Variants in CDC7 observed in about 807,000 individuals in gnomAD.
CDC7 encodes the protein cell division cycle 7.
CDC7 carries 34 observed loss-of-function variants against 53.5 expected under a neutral mutation model. The ratio of observed to expected loss-of-function variants is 0.64; its 90% confidence interval spans 0.48 to 0.85. The LOEUF (loss-of-function observed/expected upper bound fraction) is 0.85. Among genes scored for constraint, CDC7 ranks in the 40% least tolerant of loss-of-function variants. CDC7 has a pLI of 0.00. For synonymous variants in CDC7, 211 were observed against 222.8 expected (o/e 0.95, Z 0.47); for missense variants, 594 against 679.7 (o/e 0.87, Z 1.40).
Position 91,517,089 on chromosome 1 carries a change from A to G in CDC7, c.1180+1213A>G, listed in dbSNP as rs532773783. 3.0e-4 allele frequency among the ~76,000 whole-genome samples: 45 copies of G among 152,320 alleles called. 1 individual carries two copies. The highest frequency in any genetic ancestry group is 1.7e-3 in the South Asian group (8 of 4,828). On this transcript the variant is annotated intron_variant, in intron 10 of 11. Transcript: ENST00000234626. ...AAAAAAAAAGTCCAATTTTGCTAGA[A>G]TATTAAGATGCAAGTTGAGGAATGG...
At chr1:91,506,157 A>G (rs1422627627) in intron 2 of CDC7, among the ~76,000 whole-genome samples, 1 of 152,108 alleles carries the variant, frequency 6.6e-6, no homozygotes, top group Non-Finnish European at 1.5e-5. Context: ...GGCCCGTGTT[A>G]CAAAGCCCAG....
rs1206825779 is a variant in CDC7 at position 91,525,762 on chromosome 1, T to C, written c.*1327T>C. 1 of 151,902 alleles carries C rather than the reference T, an allele frequency of 6.6e-6. No individual in the cohort carries two copies. The highest frequency in any genetic ancestry group is 1.5e-5 in the Non-Finnish European group (1 of 67,922). The allele number at this position is 151,902 out of a possible 1,614,324, so 9.4% of individuals were successfully genotyped here. A position where few individuals can be genotyped will look rare whatever the true frequency, so the allele number is the denominator to read the frequency against. ...CAATAAAGTTATCCTTTTATATTTTTTATGTCAGACTACTCATTTGAAAAA... is the reference window on the plus strand; with the variant it reads ...CAATAAAGTTATCCTTTTATATTTTCTATGTCAGACTACTCATTTGAAAAA... On this transcript the variant is annotated 3_prime_UTR_variant, in exon 12 of 12. Coordinates refer to ENST00000234626, the MANE Select transcript of CDC7 (RefSeq NM_003503.4).
Position 91,524,835 on chromosome 1 carries a change from T to C in CDC7, c.*400T>C, listed in dbSNP as rs1361612721. On this transcript the variant is annotated 3_prime_UTR_variant, in exon 12 of 12. Coordinates refer to ENST00000234626, the MANE Select transcript of CDC7 (RefSeq NM_003503.4). ...GATTCTTTTAGAGTTATGAGCTAGG[T>C]ATAGTTTGGGGAAACTCAACCTGGT... The C allele has an allele frequency of 6.3e-6, 1 of 157,506 alleles. No homozygotes were observed. Among genetic ancestry groups the C allele is most frequent in the Non-Finnish European group, 1.4e-5 (1 of 71,856 alleles). 9.8% of individuals were successfully genotyped at this position (157,506 alleles called of 1,614,324 possible).
Position 91,501,726 on chromosome 1 carries a change from T to G in CDC7, c.10T>G (p.Ser4Ala), listed in dbSNP as rs1666694783. 1.9e-6 allele frequency: 3 copies of G among 1,613,866 alleles called. No homozygotes were observed. Among genetic ancestry groups the G allele is most frequent in the Non-Finnish European group, 2.5e-6 (3 of 1,179,764 alleles). Residue 4 changes from serine (S) to alanine (A), a missense_variant, in exon 2 of 12, where the codon TCT (serine) becomes GCT (alanine). Transcript: ENST00000234626. MEA[S>A]LGIQMDEPMA... ...TCTCAATTGGCTTGTGATGGAGGCG[T>G]CTTTGGGGATTCAGATGGATGAGCC...
At position 91,520,252 on chromosome 1, in the gene CDC7, G is replaced by T; in HGVS notation, c.1303G>T (p.Glu435Ter). ...AATTATGACAATTAGGGGATCCAGAGAAACTATCCAAGCTGCTAAAACTTT... is the reference window on the plus strand; with the variant it reads ...AATTATGACAATTAGGGGATCCAGATAAACTATCCAAGCTGCTAAAACTTT... The part of the protein sequence containing the change: ...AQIMTIRGSR[E>*]TIQAAKTFGK... The change falls in exon 11 of 12, where the codon GAA becomes TAA. Residue 435 changes from glutamate (E) to a stop codon, truncating the protein, a stop_gained. Coordinates refer to ENST00000234626, the MANE Select transcript of CDC7 (RefSeq NM_003503.4). LOFTEE classifies it low-confidence loss of function (END_TRUNC). 1 of 1,604,320 alleles carries T rather than the reference G, an allele frequency of 6.2e-7. No homozygotes were observed. Among genetic ancestry groups the T allele is most frequent in the African/African-American group, 1.3e-5 (1 of 74,618 alleles).
intron 11 of CDC7, among the ~76,000 whole-genome samples, chr1:91,522,614 A>T (rs1557602785): frequency 6.6e-6 from 1 of 152,210 alleles, no homozygotes; most frequent in African/African-American, 2.4e-5. Flanking sequence ...ATGCTATAAC[A>T]TATACTATTA....
intron 11 of CDC7, among the ~76,000 whole-genome samples, chr1:91,523,555 T>G (rs1420869608): frequency 6.6e-6 from 1 of 152,136 alleles, no homozygotes; most frequent in Non-Finnish European, 1.5e-5. Flanking sequence ...TGATCAGTTC[T>G]CTCTGAGGGT....
intron 11 of CDC7, among the ~76,000 whole-genome samples, chr1:91,521,097 A>C (rs1667920491): frequency 6.6e-6 from 1 of 152,208 alleles, no homozygotes; most frequent in African/African-American, 2.4e-5. Context: ...CAGGAGACAA[A>C]GTTTCAGCCA....
rs1346466844 is a variant in CDC7, at chr1:91,512,615, CATA to C, written c.573-436_573-434del. 3.7e-4 allele frequency among the ~76,000 whole-genome samples: 56 copies of C among 152,106 alleles called. 1 individual carries two copies. Among genetic ancestry groups the C allele is most frequent in the Non-Finnish European group, 5.9e-5 (4 of 67,972 alleles). On this transcript the variant is annotated intron_variant, in intron 6 of 11. Transcript: ENST00000234626. ...CCTCTATATAATGGATCATATTAAA[CATA>C]ATAATATTATAACTTCTTTTTTGAG...
intron 11 of CDC7, among the ~76,000 whole-genome samples, chr1:91,521,503 G>C (rs12057283): frequency 0.28 from 43,285 of 152,042 alleles, 6,399 homozygotes; most frequent in East Asian, 0.48. Context: ...TGTACTTATT[G>C]TAAGAAAATT....
rs1246466695 is a variant in CDC7 at position 91,507,895 on chromosome 1, C to T, written c.157C>T (p.Gln53Ter). 2 of 1,513,724 alleles carry T rather than the reference C, an allele frequency of 1.3e-6. No homozygotes were observed. The highest frequency in any genetic ancestry group is 1.8e-6 in the Non-Finnish European group (2 of 1,106,078). 93.8% of individuals were successfully genotyped at this position (1,513,724 alleles called of 1,614,324 possible). A position where few individuals can be genotyped will look rare whatever the true frequency, so the allele number is the denominator to read the frequency against. ...TGAGAAGCTTTATGAAGCTGTACCA[C>T]AGCTTAGTAATGTGTTTAAGATTGA... is the stretch of plus-strand genomic sequence containing the variant. ...DIEKLYEAVP[Q>*]LSNVFKIEDK... Residue 53 changes from glutamine to a stop codon, truncating the protein, a stop_gained, in exon 3 of 12, where the codon CAG (glutamine) becomes TAG (stop). Coordinates refer to ENST00000234626, the MANE Select transcript of CDC7 (RefSeq NM_003503.4). LOFTEE classifies it high-confidence loss of function.
In CDC7 at chr1:91,511,907, A is replaced by G. The variant is rs758464467; in HGVS notation, c.556A>G (p.Asn186Asp). The G allele has an allele frequency of 4.4e-6, 7 of 1,582,602 alleles. No homozygotes were observed. In the African/African-American group the frequency reaches 8.1e-5, roughly 18 times the overall value. The change falls in exon 6 of 12, where the codon AAT becomes GAT. Residue 186 changes from asparagine (N) to aspartate (D), a missense_variant. Asn to Asp is a conservative substitution (Grantham distance 23). Coordinates refer to ENST00000234626, the MANE Select transcript of CDC7 (RefSeq NM_003503.4). Reference sequence around the variant, plus strand: ...TGTTAAGCCCAGCAATTTTTTATATAATAGGCGCCTGAAAAAGTAAGTATG... The same window carrying G: ...TGTTAAGCCCAGCAATTTTTTATATGATAGGCGCCTGAAAAAGTAAGTATG... Reference protein sequence around the residue: ...RDVKPSNFLYNRRLKKYALVD... With the variant: ...RDVKPSNFLYDRRLKKYALVD...
rs1666686939 is a variant in CDC7, at chr1:91,501,664, C to T, written c.-53C>T. 4.0e-6 allele frequency: 5 copies of T among 1,255,324 alleles called. No individual in the cohort carries two copies. The highest frequency in any genetic ancestry group is 3.0e-5 in the African/African-American group (2 of 67,092). 77.8% of individuals were successfully genotyped at this position (1,255,324 alleles called of 1,614,324 possible). On this transcript the variant is annotated 5_prime_UTR_variant, in exon 2 of 12. Transcript: ENST00000234626. ...TTCTAATTTTCACAGCTGCTTTGCT[C>T]CCCCTGTGGATGTAACCCCTTAGCT...
intron 11 of CDC7, among the ~76,000 whole-genome samples, chr1:91,523,417 G>A (rs1319340264): frequency 6.6e-6 from 1 of 152,192 alleles, no homozygotes; most frequent in Non-Finnish European, 1.5e-5. Flanking sequence ...CATAGGCTGG[G>A]TTTGGGGGGT....
intron 2 of CDC7, among the ~76,000 whole-genome samples, chr1:91,503,982 A>G (rs886186891): frequency 3.3e-5 from 5 of 152,098 alleles, no homozygotes; most frequent in African/African-American, 9.7e-5. Flanking sequence ...AATATATTCA[A>G]TCACCTTTTA....
intron 11 of CDC7, among the ~76,000 whole-genome samples, chr1:91,523,345 A>G (rs1668075795): frequency 6.6e-6 from 1 of 152,164 alleles, no homozygotes; most frequent in Admixed American, 6.6e-5. Context: ...CAGTTGTTGA[A>G]AAGAATAATG....
rs1393846399 is a variant in CDC7, at chr1:91,501,625, A to G, written c.-63-29A>G. On this transcript the variant is annotated intron_variant, in intron 1 of 11. Coordinates refer to ENST00000234626, the MANE Select transcript of CDC7 (RefSeq NM_003503.4). ...TAGTGCGTGGTTTAGCGAGTGATCT[A>G]AATTTCTCTAGTGTTCTAATTTTCA... is the stretch of plus-strand genomic sequence containing the variant. 1.0e-4 allele frequency: 91 copies of G among 909,356 alleles called. 3 individuals are homozygous for G. Among genetic ancestry groups the G allele is most frequent in the South Asian group, 9.8e-4 (70 of 71,410 alleles). The allele number at this position is 909,356 out of a possible 1,614,324, so 56.3% of individuals were successfully genotyped here.
In CDC7 at chr1:91,512,983, T is replaced by C. The variant is rs1667358941; in HGVS notation, c.573-75T>C. 4 of 1,169,848 alleles carry C rather than the reference T, an allele frequency of 3.4e-6. No homozygotes were observed. In the East Asian group the frequency reaches 9.5e-5, roughly 28 times the overall value. The allele number at this position is 1,169,848 out of a possible 1,614,324, so 72.5% of individuals were successfully genotyped here. A position where few individuals can be genotyped will look rare whatever the true frequency, so the allele number is the denominator to read the frequency against. ...AAAAGAATTACAGTTTTTATGAGGA[T>C]GGTTTGAGAGTATTACAATGTTACT... is the stretch of plus-strand genomic sequence containing the variant. On this transcript the variant is annotated intron_variant, in intron 6 of 11. Coordinates refer to ENST00000234626, the MANE Select transcript of CDC7 (RefSeq NM_003503.4).
In CDC7 at chr1:91,525,412, T is replaced by C. The variant is rs1039794668; in HGVS notation, c.*977T>C. On this transcript the variant is annotated 3_prime_UTR_variant, in exon 12 of 12. Coordinates refer to ENST00000234626, the MANE Select transcript of CDC7 (RefSeq NM_003503.4). ...CTGTTTTGACTAAGTCTTAGGTGGG[T>C]TGGGAAGACAGATAATGAAGTAGGC... is the stretch of plus-strand genomic sequence containing the variant. The C allele has an allele frequency of 2.4e-4, 36 of 151,670 alleles. No homozygotes were observed. The highest frequency in any genetic ancestry group is 8.0e-4 in the African/African-American group (33 of 41,374). The allele number at this position is 151,670 out of a possible 1,614,324, so 9.4% of individuals were successfully genotyped here.
Sources: gnomAD v4.1 joint callset for allele counts (sites outside exome capture counted in the v4.1 genomes callset) on GRCh38, gnomAD v4.1.1 for gene constraint, MANE v1.5 for transcripts, NCBI Gene and HGNC (gene_info 2026-07-23, HGNC 2026-07-21) for gene names.